POLR3F: variants seen among roughly 807,000 people sequenced by gnomAD.
POLR3F encodes the protein DNA-directed RNA polymerase III subunit RPC6.
In POLR3F, 31 loss-of-function variants were observed where a neutral mutation model predicts 43.6. That is an observed-to-expected ratio of 0.71 (90% CI 0.53 to 0.96). The LOEUF (loss-of-function observed/expected upper bound fraction) is 0.96. POLR3F is among the 40% of genes least tolerant of loss of function. POLR3F has a pLI of 0.00. For missense variants in POLR3F, 316 were observed against 391.7 expected (o/e 0.81, Z 1.63); for synonymous variants, 114 against 132.5 (o/e 0.86, Z 0.96).
Position 18,480,395 on chromosome 20 carries a change from C to G in POLR3F, c.574-7C>G, listed in dbSNP as rs747291779. ...TATTTACATTTCTTATGTTTCAATC[C>G]TTATAGGCAGAAACAGCACGAGAAA... is the stretch of plus-strand genomic sequence containing the variant. On this transcript the variant is annotated splice_polypyrimidine_tract_variant and splice_region_variant and intron_variant, in intron 6 of 8. Coordinates refer to ENST00000377603, the MANE Select transcript of POLR3F (RefSeq NM_006466.4). 1.3e-6 allele frequency: 2 copies of G among 1,572,242 alleles called. No homozygotes were observed. Among genetic ancestry groups the G allele is most frequent in the Admixed American group, 3.3e-5 (2 of 59,828 alleles).
chr20:18,472,115 C>A (rs1055077694), intron 2 of POLR3F, among the ~76,000 whole-genome samples: 1 of 152,220 alleles, frequency 6.6e-6, no homozygotes, highest in Non-Finnish European at 1.5e-5. Flanking sequence ...GCATGACAGA[C>A]ATACTTTATT....
chr20:18,480,307 A>G, intron 6 of POLR3F, 95 bp from the exon 7 acceptor site: 1 of 1,215,724 alleles, frequency 8.2e-7, no homozygotes, highest in Non-Finnish European at 1.2e-6. Flanking sequence ...TTACTTAACT[A>G]AATATGTTCT....
At chr20:18,468,211 G>T (rs566530811) in intron 1 of POLR3F, among the ~76,000 whole-genome samples, 14 of 152,264 alleles carry the variant, frequency 9.2e-5, no homozygotes, top group Admixed American at 3.9e-4. Flanking sequence ...CGAGTAGCTG[G>T]GACTACAGGC....
chr20:18,467,513 G>GAGGTGA lies in POLR3F; in HGVS notation c.19_24dup (p.Lys7_Val8dup), dbSNP rs767567774. 2.0e-5 allele frequency: 32 copies of GAGGTGA among 1,614,274 alleles called. No homozygotes were observed. Among genetic ancestry groups the GAGGTGA allele is most frequent in the South Asian group, 5.5e-5 (5 of 91,088 alleles). Reference sequence around the variant, plus strand: ...CGTCAGGAACTGCGCCCTCATGGCGGAGGTGAAGGTGAAGGTGCAGCCGCC... The same window carrying GAGGTGA: ...CGTCAGGAACTGCGCCCTCATGGCGGAGGTGAAGGTGAAGGTGAAGGTGCAGCCGCC... On this transcript the variant is annotated inframe_insertion, in exon 1 of 9. Coordinates refer to ENST00000377603, the MANE Select transcript of POLR3F (RefSeq NM_006466.4).
rs372794610 is a variant in POLR3F at position 18,467,474 on chromosome 20, T to C, written c.-33T>C. ...GCTTGCTACCGGGCTGCTCCGTGCA[T>C]CTTTCCCCCCAGGCGTCAGGAACTG... is the stretch of plus-strand genomic sequence containing the variant. On this transcript the variant is annotated 5_prime_UTR_variant, in exon 1 of 9. Coordinates refer to ENST00000377603, the MANE Select transcript of POLR3F (RefSeq NM_006466.4). 1 of 1,613,800 alleles carries C rather than the reference T, an allele frequency of 6.2e-7. No homozygotes were observed. Among genetic ancestry groups the C allele is most frequent in the African/African-American group, 1.3e-5 (1 of 75,074 alleles).
Position 18,480,468 on chromosome 20 carries a change from C to T in POLR3F, c.640C>T (p.His214Tyr). The T allele has an allele frequency of 1.2e-6, 2 of 1,610,238 alleles. No individual in the cohort carries two copies. Among genetic ancestry groups the T allele is most frequent in the Non-Finnish European group, 1.7e-6 (2 of 1,176,494 alleles). ...AAGAAATAGTTCATTTGCCTCATCA[C>T]ATGAAGTGTGGAAATATATCTGCGA... ...IQRNSSFASSHEVWKYICELG... is the reference protein window; with the variant it reads ...IQRNSSFASSYEVWKYICELG... The change falls in exon 7 of 9, where the codon CAT (histidine) becomes TAT (tyrosine). Residue 214 changes from histidine (H) to tyrosine (Y), a missense_variant. His to Tyr is a moderately conservative substitution (Grantham distance 83). This residue lies in a region of POLR3F where 109 missense variants were observed against 177.7 expected (regional missense o/e 0.61). Transcript: ENST00000377603.
rs866440238 is a variant in POLR3F, at chr20:18,481,631, A to G, written c.694A>G (p.Met232Val). Residue 232 changes from methionine (M) to valine (V), a missense_variant, in exon 8 of 9, where the codon ATG (methionine) becomes GTG (valine). Met to Val is a conservative substitution (Grantham distance 21). Transcript: ENST00000377603. The part of the protein sequence containing the change: ...ELGISKVELS[M>V]EDIETILNTL... ...ATCCCTTTTTTAGGTAGAGTTATCC[A>G]TGGAAGACATTGAAACCATCCTGAA... 12 of 1,605,938 alleles carry G rather than the reference A, an allele frequency of 7.5e-6. No homozygotes were observed. In the Middle Eastern group the frequency reaches 1.7e-3, roughly 221 times the overall value.
In POLR3F at chr20:18,483,537, GA is replaced by G. The variant is rs1451324391; in HGVS notation, c.931del (p.Thr311GlnfsTer11). The stretch of plus-strand genomic sequence containing the variant: ...TTTCACCATCTAACTGTATTTACAT[GA>G]CAGAGTGGCTCGAATTTTAATAGAG... ...EISPSNCIYM[T>X]EWLEF is the part of the protein sequence containing the mutation. On this transcript the variant is annotated frameshift_variant, in exon 9 of 9. Transcript: ENST00000377603. LOFTEE classifies it high-confidence loss of function. 6.6e-7 allele frequency: 1 copy of G among 1,512,846 alleles called. No individual in the cohort carries two copies. The highest frequency in any genetic ancestry group is 1.2e-5 in the South Asian group (1 of 80,100). 93.7% of individuals were successfully genotyped at this position (1,512,846 alleles called of 1,614,324 possible).
chr20:18,481,702 A>G lies in POLR3F; in HGVS notation c.765A>G (p.Ala255=), dbSNP rs2148867984. The change falls in exon 8 of 9, where the codon GCA becomes GCG. Residue 255 remains alanine, a synonymous_variant. Transcript: ENST00000377603. The stretch of plus-strand genomic sequence containing the variant: ...AAGTGGAGATGACGATTATTGCTGC[A>G]AAAGAAGGCACAGTTGGCAGTGTAG... The part of the protein sequence containing the change: ...DGKVEMTIIA[A]KEGTVGSVDG... The G allele has an allele frequency of 6.2e-7, 1 of 1,613,018 alleles. No homozygotes were observed. Among genetic ancestry groups the G allele is most frequent in the East Asian group, 2.2e-5 (1 of 44,872 alleles).
chr20:18,480,649 A>C, intron 7 of POLR3F, 140 bp downstream of exon 7: 1 of 643,816 alleles, frequency 1.6e-6, no homozygotes, highest in Non-Finnish European at 2.8e-6. Flanking sequence ...CTTTGGGAAA[A>C]TACTGTCCTG....
rs542904456 is a variant in POLR3F, at chr20:18,480,576, T to G, written c.681+67T>G. ...TGTCACATACAATGTATTCCAAACA[T>G]GTATTTGACCCACATTGTTTTTTTT... On this transcript the variant is annotated intron_variant, in intron 7 of 8. Transcript: ENST00000377603. The G allele has an allele frequency of 2.8e-4, 255 of 903,496 alleles. 2 individuals are homozygous for G. In the African/African-American group the frequency reaches 4.1e-3, roughly 14 times the overall value. 56.0% of individuals were successfully genotyped at this position (903,496 alleles called of 1,614,324 possible). A position where few individuals can be genotyped will look rare whatever the true frequency, so the allele number is the denominator to read the frequency against.
At chr20:18,476,221 C>T (rs1489225296) in intron 5 of POLR3F, among the ~76,000 whole-genome samples, 1 of 152,186 alleles carries the variant, frequency 6.6e-6, no homozygotes, top group Non-Finnish European at 1.5e-5. Context: ...ACATTTTCAT[C>T]ACCCCCAAAT....
At chr20:18,474,908 C>A (rs1277945322) in intron 4 of POLR3F, among the ~76,000 whole-genome samples, 167 bp from the exon 5 acceptor site, 1 of 152,150 alleles carries the variant, frequency 6.6e-6, no homozygotes, top group Non-Finnish European at 1.5e-5. Context: ...ATAAGTCTTA[C>A]AAAGCATTAT....
Position 18,484,265 on chromosome 20 carries a change from T to G in POLR3F, c.*707T>G. 1 of 397,730 alleles carries G rather than the reference T, an allele frequency of 2.5e-6. No homozygotes were observed. The highest frequency in any genetic ancestry group is 4.4e-6 in the Non-Finnish European group (1 of 225,598). The allele number at this position is 397,730 out of a possible 1,614,324, so 24.6% of individuals were successfully genotyped here. A position where few individuals can be genotyped will look rare whatever the true frequency, so the allele number is the denominator to read the frequency against. On this transcript the variant is annotated 3_prime_UTR_variant, in exon 9 of 9. Coordinates refer to ENST00000377603, the MANE Select transcript of POLR3F (RefSeq NM_006466.4). Reference sequence around the variant, plus strand: ...TCACTGTTCCTTCTTTCTTAAAGTCTTATGTTTCACTCTTTAACTCAAATG... The same window carrying G: ...TCACTGTTCCTTCTTTCTTAAAGTCGTATGTTTCACTCTTTAACTCAAATG...
rs2059827651 is a variant in POLR3F at position 18,484,451 on chromosome 20, C to T, written c.*893C>T. On this transcript the variant is annotated 3_prime_UTR_variant, in exon 9 of 9. Coordinates refer to ENST00000377603, the MANE Select transcript of POLR3F (RefSeq NM_006466.4). The stretch of plus-strand genomic sequence containing the variant: ...GATAGGTCAGGAGAGTAACAGCGCT[C>T]ATGAATGGGATTAGTGCCCTTATAT... 3.9e-6 allele frequency: 1 copy of T among 255,648 alleles called. No homozygotes were observed. The allele number at this position is 255,648 out of a possible 1,614,324, so 15.8% of individuals were successfully genotyped here.
chr20:18,467,460 G>T lies in POLR3F; in HGVS notation c.-47G>T. On this transcript the variant is annotated 5_prime_UTR_variant, in exon 1 of 9. Transcript: ENST00000377603. ...CCCCGGGTTCCCCGGCTTGCTACCG[G>T]GCTGCTCCGTGCATCTTTCCCCCCA... 6.2e-7 allele frequency: 1 copy of T among 1,609,948 alleles called. No homozygotes were observed. Among genetic ancestry groups the T allele is most frequent in the Non-Finnish European group, 8.5e-7 (1 of 1,176,190 alleles).
At chr20:18,479,629 CTG>C in intron 5 of POLR3F, among the ~76,000 whole-genome samples, 1 of 152,182 alleles carries the variant, frequency 6.6e-6, no homozygotes, top group African/African-American at 2.4e-5. Flanking sequence ...AATGAAGTAT[CTG>C]AATGTAAATC....
At chr20:18,468,220 G>T (rs1297124010) in intron 1 of POLR3F, among the ~76,000 whole-genome samples, 1 of 152,142 alleles carries the variant, frequency 6.6e-6, no homozygotes, top group African/African-American at 2.4e-5. Context: ...GGGACTACAG[G>T]CTCGCGCCAC....
At chr20:18,481,570 G>A in intron 7 of POLR3F, 49 bp from the exon 8 acceptor site, 1 of 1,256,314 alleles carries the variant, frequency 8.0e-7, no homozygotes, top group South Asian at 1.2e-5. Flanking sequence ...CCTCCAAGTG[G>A]ATGTCTCCCT....
Sources: gnomAD v4.1 joint callset for allele counts (sites outside exome capture counted in the v4.1 genomes callset) on GRCh38, gnomAD v4.1.1 for gene constraint, gnomAD v4.1.1 regional missense constraint, MANE v1.5 for transcripts, NCBI Gene and HGNC (gene_info 2026-07-23, HGNC 2026-07-21) for gene names.